CYP3A4: variants seen among roughly 807,000 people sequenced by gnomAD.
CYP3A4 encodes the protein cytochrome P450 3A4.
In CYP3A4, 41 loss-of-function variants were observed where a neutral mutation model predicts 54.9. The ratio of observed to expected loss-of-function variants is 0.75; its 90% CI spans 0.58 to 0.97. The LOEUF (loss-of-function observed/expected upper bound fraction) is 0.97, where lower values mean the gene tolerates loss of function less well. Among genes scored for constraint, CYP3A4 ranks in the 50% least tolerant of loss-of-function variants. The pLI, the probability that CYP3A4 is intolerant of heterozygous loss-of-function variation, is 0.00. For missense variants in CYP3A4, 510 were observed against 597.3 expected (o/e 0.85, Z 1.52); for synonymous variants, 179 against 205.2 (o/e 0.87, Z 1.09).
At chr7:99,768,725 G>A (rs1815547171) in intron 6 of CYP3A4, among the ~76,000 whole-genome samples, 1 of 152,094 alleles carries the variant, frequency 6.6e-6, no homozygotes, top group African/African-American at 2.4e-5. Context: ...AACTGAATTA[G>A]ACCTACCTCT....
rs34642455 is a variant in CYP3A4, at chr7:99,777,087, T to C, written c.218+941A>G. Among the ~76,000 whole-genome samples the C allele has an allele frequency of 8.8e-3, 1,345 of 152,330 alleles. 11 individuals are homozygous for C. The highest frequency in any genetic ancestry group is 0.013 in the Non-Finnish European group (901 of 68,030). On this transcript the variant is annotated intron_variant, in intron 3 of 12. Coordinates refer to ENST00000651514, the MANE Select transcript of CYP3A4 (RefSeq NM_017460.6). ...ATGGTTTGCCAATCTATTTCTCTAT[T>C]ATCTCTCAACCCTTCATTCAAAAGC... is the stretch of plus-strand genomic sequence containing the variant.
chr7:99,766,221 G>C (rs1338424523), intron 9 of CYP3A4, among the ~76,000 whole-genome samples, 156 bp downstream of exon 9: 1 of 152,026 alleles, frequency 6.6e-6, no homozygotes, highest in Non-Finnish European at 1.5e-5. Flanking sequence ...CATGCCTCTA[G>C]AAAGTGCCTC....
intron 9 of CYP3A4, among the ~76,000 whole-genome samples, chr7:99,765,486 TGATA>T (rs533497412): frequency 0.014 from 2,061 of 149,424 alleles, 91 homozygotes; most frequent in Admixed American, 0.072. Context: ...GATAGATAGA[TGATA>T]GATAGATAGA....
intron 8 of CYP3A4, 144 bp from the exon 9 acceptor site, chr7:99,766,587 G>A: frequency 3.1e-6 from 3 of 968,396 alleles, no homozygotes; most frequent in Non-Finnish European, 3.1e-6. Flanking sequence ...AATCACCAGT[G>A]AAAAACATAC....
chr7:99,779,407 A>T (rs904621202), intron 2 of CYP3A4, among the ~76,000 whole-genome samples: 1 of 152,158 alleles, frequency 6.6e-6, no homozygotes, highest in Non-Finnish European at 1.5e-5. Context: ...AAAAGATGTC[A>T]TGGGGAGTAA....
chr7:99,777,494 G>A (rs1355729503), intron 3 of CYP3A4, among the ~76,000 whole-genome samples: 4 of 151,456 alleles, frequency 2.6e-5, no homozygotes, highest in African/African-American at 7.3e-5. Context: ...GTGTGTGTGT[G>A]TGTGTGTGTG....
intron 12 of CYP3A4, among the ~76,000 whole-genome samples, chr7:99,759,750 C>T (rs1815269331): frequency 6.6e-6 from 1 of 151,896 alleles, no homozygotes; most frequent in African/African-American, 2.4e-5. Context: ...GTAAATGGGC[C>T]CTGGACTAGG....
In CYP3A4 at chr7:99,769,704, TC is replaced by T. The variant is rs1336121532; in HGVS notation, c.521+63del. On this transcript the variant is annotated intron_variant, in intron 6 of 12. Coordinates refer to ENST00000651514, the MANE Select transcript of CYP3A4 (RefSeq NM_017460.6). The stretch of plus-strand genomic sequence containing the variant: ...ATAACCCAACAGCAGGAATATCAGC[TC>T]CATGGCAGGCAGCTGGAGGGGTTCA... 4 of 1,600,882 alleles carry T rather than the reference TC, an allele frequency of 2.5e-6. No individual in the cohort carries two copies. The Admixed American group carries it at 6.7e-5, about 27-fold the overall frequency.
chr7:99,760,907 A>G lies in CYP3A4; in HGVS notation c.1328T>C (p.Ile443Thr). 2.5e-6 allele frequency: 4 copies of G among 1,614,048 alleles called. No individual in the cohort carries two copies. The highest frequency in any genetic ancestry group is 2.2e-5 in the East Asian group (1 of 44,878). The change falls in exon 12 of 13, where the codon ATT becomes ACT. Residue 443 changes from isoleucine (I) to threonine (T), a missense_variant. Transcript: ENST00000651514. ...TPFGSGPRNC[I>T]GMRFALMNMK... ...GTTCATGAGAGCAAACCTCATGCCA[A>G]TGCAGTTTCTGGGTCCACTTCCAAA...
chr7:99,757,947 C>A lies in CYP3A4; in HGVS notation c.*186G>T. 1 of 562,048 alleles carries A rather than the reference C, an allele frequency of 1.8e-6. No individual in the cohort carries two copies. Among genetic ancestry groups the A allele is most frequent in the Non-Finnish European group, 3.2e-6 (1 of 315,764 alleles). 34.8% of individuals were successfully genotyped at this position (562,048 alleles called of 1,614,324 possible). ...TGATTTGGTCACCTCCTTTATATTC[C>A]CAAGTATAACACTCTACACAGACAA... On this transcript the variant is annotated 3_prime_UTR_variant, in exon 13 of 13. Coordinates refer to ENST00000651514, the MANE Select transcript of CYP3A4 (RefSeq NM_017460.6).
chr7:99,766,603 T>C, intron 8 of CYP3A4, 160 bp from the exon 9 acceptor site: 1 of 848,808 alleles, frequency 1.2e-6, no homozygotes. Flanking sequence ...CATACCCTTC[T>C]AAATCCTTGG....
rs1241017482 is a variant in CYP3A4 at position 99,758,081 on chromosome 7, T to C, written c.*52A>G. ...TCACAAAGTAATTTGAGGTCTCTGG[T>C]GTTCTCAGGCACAGATTTCTTGAAG... On this transcript the variant is annotated 3_prime_UTR_variant, in exon 13 of 13. Transcript: ENST00000651514. 1 of 1,424,238 alleles carries C rather than the reference T, an allele frequency of 7.0e-7. No individual in the cohort carries two copies. The highest frequency in any genetic ancestry group is 9.9e-7 in the Non-Finnish European group (1 of 1,007,640). 88.2% of individuals were successfully genotyped at this position (1,424,238 alleles called of 1,614,324 possible). A position where few individuals can be genotyped will look rare whatever the true frequency, so the allele number is the denominator to read the frequency against.
intron 12 of CYP3A4, among the ~76,000 whole-genome samples, chr7:99,760,286 T>C (rs1815286410): frequency 6.6e-6 from 1 of 152,214 alleles, no homozygotes; most frequent in South Asian, 2.1e-4. Context: ...ATTCTCAACC[T>C]TGGCTTCACA....
intron 4 of CYP3A4, 80 bp downstream of exon 4, chr7:99,772,510 C>T: frequency 1.3e-6 from 2 of 1,569,412 alleles, no homozygotes; most frequent in Non-Finnish European, 1.7e-6. Flanking sequence ...ATTTTTTAGG[C>T]AACTGTCTAT....
chr7:99,760,795 T>A (rs1331396330), intron 12 of CYP3A4, 24 bp downstream of exon 12: 3 of 1,611,580 alleles, frequency 1.9e-6, no homozygotes, highest in South Asian at 2.2e-5. Context: ...AATACAACAT[T>A]ATTTTTATAG....
In CYP3A4 at chr7:99,763,847, C is replaced by T. The variant is rs1210229169; in HGVS notation, c.1026+8G>A. The T allele has an allele frequency of 1.2e-6, 2 of 1,613,808 alleles. No homozygotes were observed. Among genetic ancestry groups the T allele is most frequent in the African/African-American group, 2.7e-5 (2 of 74,916 alleles). On this transcript the variant is annotated splice_region_variant and intron_variant, in intron 10 of 12. Transcript: ENST00000651514. The stretch of plus-strand genomic sequence containing the variant: ...TCCTCCCTCCTTCTCCATGTACCAT[C>T]CACTCACCTTATTGGGTAAAACTGC...
chr7:99,759,070 G>C (rs139200691), intron 12 of CYP3A4, among the ~76,000 whole-genome samples: 4 of 152,208 alleles, frequency 2.6e-5, no homozygotes, highest in Non-Finnish European at 5.9e-5. Flanking sequence ...AGGTGTGCCA[G>C]AGGACCACTT....
At position 99,768,467 on chromosome 7, in the gene CYP3A4, C is replaced by T. The variant is rs577273866; in HGVS notation, c.557G>A (p.Ser186Asn). 4 of 1,613,974 alleles carry T rather than the reference C, an allele frequency of 2.5e-6. No individual in the cohort carries two copies. The South Asian group carries it at 4.4e-5, about 18-fold the overall frequency. The change falls in exon 7 of 13, where the codon AGC (serine) becomes AAC (asparagine). Residue 186 changes from serine to asparagine, a missense_variant. Around this residue, in one of 2 missense-constraint regions of CYP3A4, gnomAD observed 272 missense variants for 274.9 expected, o/e 0.99. Transcript: ENST00000651514. The stretch of plus-strand genomic sequence containing the variant: ...GTCGATGTTCACTCCAAATGATGTG[C>T]TAGTGATCACATCCATGCTGTAGGC... ...FGAYSMDVIT[S>N]TSFGVNIDSL...
At position 99,758,127 on chromosome 7, in the gene CYP3A4, G is replaced by A. The variant is rs759938073; in HGVS notation, c.*6C>T. On this transcript the variant is annotated 3_prime_UTR_variant, in exon 13 of 13. Transcript: ENST00000651514. ...TGAAGAGCAAAGCAGAAGTCCTTAG[G>A]AAAATTCAGGCTCCACTTACGGTGC... 5.0e-6 allele frequency: 8 copies of A among 1,612,814 alleles called. No homozygotes were observed. The highest frequency in any genetic ancestry group is 6.8e-6 in the Non-Finnish European group (8 of 1,178,960).
Sources: gnomAD v4.1 joint callset for allele counts (sites outside exome capture counted in the v4.1 genomes callset) on GRCh38, gnomAD v4.1.1 for gene constraint, gnomAD v4.1.1 regional missense constraint, MANE v1.5 for transcripts, NCBI Gene and HGNC (gene_info 2026-07-23, HGNC 2026-07-21) for gene names.